ATP11B: variants seen among roughly 807,000 people sequenced by gnomAD.
ATP11B encodes the protein phospholipid-transporting ATPase IF.
Under a neutral mutation model 157.8 loss-of-function variants are expected in ATP11B, and 81 were observed. The ratio of observed to expected loss-of-function variants is 0.51; its 90% CI spans 0.43 to 0.62. ATP11B has a LOEUF of 0.62. Among genes scored for constraint, ATP11B ranks in the 20% least tolerant of loss-of-function variants. The pLI is 0.00. For missense variants in ATP11B, 1,165 were observed against 1,402.2 expected (o/e 0.83, Z 2.70); for synonymous variants, 451 against 469.4 (o/e 0.96, Z 0.51).
At chr3:182,861,943 C>CAAAA (rs35665738) in intron 12 of ATP11B, among the ~76,000 whole-genome samples, 13 of 135,678 alleles carry the variant, frequency 9.6e-5, no homozygotes, top group South Asian at 2.4e-4. Context: ...GACCCTGTCT[C>CAAAA]AAAAAAAAAA....
intron 1 of ATP11B, among the ~76,000 whole-genome samples, chr3:182,812,952 G>A (rs2108492323): frequency 6.6e-6 from 1 of 152,218 alleles, no homozygotes. Context: ...CCTTATATAA[G>A]AGGAATCATA....
At chr3:182,887,494 T>C in intron 23 of ATP11B, 92 bp from the exon 24 acceptor site, 1 of 1,125,672 alleles carries the variant, frequency 8.9e-7, no homozygotes, top group Non-Finnish European at 1.2e-6. Context: ...TTTTTAAAAC[T>C]TTAATTTTGT....
At position 182,898,838 on chromosome 3, in the gene ATP11B, CATT is replaced by C. The variant is rs57309944; in HGVS notation, c.3318+69_3318+71del. ...GGGATCTTTAATAATGAATAGCTGT[CATT>C]ATAATTTGATTATGTCAGAAAATAG... On this transcript the variant is annotated intron_variant, in intron 28 of 29. Transcript: ENST00000323116. 1.6e-4 allele frequency: 176 copies of C among 1,097,700 alleles called. No homozygotes were observed. The African/African-American group carries it at 2.6e-3, about 16-fold the overall frequency. The allele number at this position is 1,097,700 out of a possible 1,614,324, so 68.0% of individuals were successfully genotyped here.
chr3:182,905,600 C>T (rs1553823953), intron 28 of ATP11B, among the ~76,000 whole-genome samples: 1 of 152,176 alleles, frequency 6.6e-6, no homozygotes, highest in Non-Finnish European at 1.5e-5. Context: ...AAAATCATGG[C>T]TTTATTTTGT....
intron 28 of ATP11B, among the ~76,000 whole-genome samples, chr3:182,903,912 C>T (rs1471672133): frequency 6.6e-6 from 1 of 152,194 alleles, no homozygotes; most frequent in African/African-American, 2.4e-5. Flanking sequence ...ATATATCATA[C>T]TGGCTTAAAC....
intron 12 of ATP11B, among the ~76,000 whole-genome samples, chr3:182,864,516 T>C (rs533514152): frequency 1.2e-4 from 19 of 152,296 alleles, no homozygotes; most frequent in African/African-American, 4.6e-4. Flanking sequence ...GGTTATTTTA[T>C]CAATAAAATG....
rs1718303058 is a variant in ATP11B at position 182,833,472 on chromosome 3, C to G, written c.316-2563C>G. Among the ~76,000 whole-genome samples the G allele has an allele frequency of 2.0e-5, 3 of 152,140 alleles. No homozygotes were observed. In the South Asian group the frequency reaches 6.2e-4, roughly 32 times the overall value. ...TACCAAATAGCTGGGACTACAGTTG[C>G]GTGCCACCACACCCAGCTAATTTTT... On this transcript the variant is annotated intron_variant, in intron 4 of 29. Coordinates refer to ENST00000323116, the MANE Select transcript of ATP11B (RefSeq NM_014616.3).
Position 182,897,388 on chromosome 3 carries a change from T to A in ATP11B, c.3134T>A (p.Phe1045Tyr). The A allele has an allele frequency of 6.3e-7, 1 of 1,579,054 alleles. No individual in the cohort carries two copies. The highest frequency in any genetic ancestry group is 8.6e-7 in the Non-Finnish European group (1 of 1,164,454). Residue 1045 changes from phenylalanine (F) to tyrosine (Y), a missense_variant, in exon 27 of 30, where the codon TTT becomes TAT. Coordinates refer to ENST00000323116, the MANE Select transcript of ATP11B (RefSeq NM_014616.3). ...ATATTTTATTTTGTATTTTCCTTGT[T>A]TTATGGAGGGATTCTCTGGTGAGTG... Reference protein sequence around the residue: ...SIIFYFVFSLFYGGILWPFLG... With the variant: ...SIIFYFVFSLYYGGILWPFLG...
At chr3:182,908,858 A>C (rs1724568717) in intron 28 of ATP11B, among the ~76,000 whole-genome samples, 1 of 152,246 alleles carries the variant, frequency 6.6e-6, no homozygotes, top group Admixed American at 6.5e-5. Flanking sequence ...TTCCTTAAAC[A>C]CAAACCTCTT....
intron 1 of ATP11B, among the ~76,000 whole-genome samples, chr3:182,804,400 G>A (rs972850847): frequency 4.6e-5 from 7 of 151,658 alleles, no homozygotes; most frequent in Non-Finnish European, 7.4e-5. Context: ...CACCCGCCAC[G>A]ACGCCCGGCT....
At chr3:182,903,010 A>G (rs1724073018) in intron 28 of ATP11B, among the ~76,000 whole-genome samples, 1 of 152,062 alleles carries the variant, frequency 6.6e-6, no homozygotes, top group African/African-American at 2.4e-5. Flanking sequence ...GTGTATTGTA[A>G]TGGCTGCTGA....
At chr3:182,841,680 T>C (rs1719032582) in intron 7 of ATP11B, among the ~76,000 whole-genome samples, 1 of 152,090 alleles carries the variant, frequency 6.6e-6, no homozygotes, top group African/African-American at 2.4e-5. Flanking sequence ...TTTTGTTTCA[T>C]GTGTAAGAAT....
At chr3:182,854,824 AGAG>A (rs2108528975) in intron 10 of ATP11B, among the ~76,000 whole-genome samples, 1 of 152,074 alleles carries the variant, frequency 6.6e-6, no homozygotes, top group Non-Finnish European at 1.5e-5. Flanking sequence ...AACAATGAAA[AGAG>A]AAGCTAATTA....
intron 7 of ATP11B, among the ~76,000 whole-genome samples, chr3:182,838,820 G>A (rs615795): frequency 0.51 from 76,667 of 150,970 alleles, 22,158 homozygotes; most frequent in Non-Finnish European, 0.65. Flanking sequence ...TATATTACAT[G>A]TGAAATATTG....
At chr3:182,908,146 A>T (rs1338888494) in intron 28 of ATP11B, among the ~76,000 whole-genome samples, 1 of 150,602 alleles carries the variant, frequency 6.6e-6, no homozygotes, top group Non-Finnish European at 1.5e-5. Flanking sequence ...AATAAGCCAG[A>T]TTATTAAAAT....
chr3:182,872,415 A>G lies in ATP11B; in HGVS notation c.1926A>G (p.Glu642=). Residue 642 remains glutamate (E), a synonymous_variant, in exon 18 of 30, where the codon GAA becomes GAG. Coordinates refer to ENST00000323116, the MANE Select transcript of ATP11B (RefSeq NM_014616.3). ...AATTTACATCAAAAGAGTATGAGGA[A>G]ATAGATAAACGCATATTTGAAGCCA... is the stretch of plus-strand genomic sequence containing the variant. The part of the protein sequence containing the change: ...YRKFTSKEYE[E]IDKRIFEART... The G allele has an allele frequency of 6.2e-7, 1 of 1,614,026 alleles. No individual in the cohort carries two copies.
At chr3:182,862,544 G>A (rs568241775) in intron 12 of ATP11B, among the ~76,000 whole-genome samples, 6 of 152,284 alleles carry the variant, frequency 3.9e-5, no homozygotes, top group African/African-American at 1.2e-4. Context: ...AATGAGGGGC[G>A]TTCTGAAGTT....
rs551418328 is a variant in ATP11B at position 182,807,233 on chromosome 3, C to T, written c.28-13027C>T. 8.1e-4 allele frequency among the ~76,000 whole-genome samples: 123 copies of T among 152,026 alleles called. 1 individual carries two copies. Among genetic ancestry groups the T allele is most frequent in the Admixed American group, 4.6e-3 (70 of 15,276 alleles). On this transcript the variant is annotated intron_variant, in intron 1 of 29. Coordinates refer to ENST00000323116, the MANE Select transcript of ATP11B (RefSeq NM_014616.3). ...AGAATGAAATAACAGTAGCTTCCAC[C>T]GTTATCTCTTAAATCTGCCTGAAAG...
chr3:182,828,251 C>T, intron 3 of ATP11B, 42 bp downstream of exon 3: 1 of 964,686 alleles, frequency 1.0e-6, no homozygotes, highest in Non-Finnish European at 1.5e-6. Context: ...AACATAGTTT[C>T]TAAAAATATG....
Sources: allele counts gnomAD v4.1 joint callset (sites outside exome capture counted in the v4.1 genomes callset), GRCh38; gene constraint gnomAD v4.1.1; transcripts MANE v1.5; gene names NCBI Gene and HGNC (gene_info 2026-07-23, HGNC 2026-07-21).